SDCCAG8: variants seen among roughly 807,000 people sequenced by gnomAD.
SDCCAG8 encodes SHH signaling and ciliogenesis regulator SDCCAG8, also known as serologically defined colon cancer antigen 8.
A neutral mutation model predicts 101.8 loss-of-function variants in SDCCAG8; 74 were observed. The ratio of observed to expected loss-of-function variants is 0.73; its 90% confidence interval spans 0.60 to 0.88. The LOEUF (loss-of-function observed/expected upper bound fraction) is 0.88. Among genes scored for constraint, SDCCAG8 ranks in the 40% least tolerant of loss-of-function variants. SDCCAG8 has a pLI of 0.00. For missense variants in SDCCAG8, 787 were observed against 822.6 expected (o/e 0.96, Z 0.53); for synonymous variants, 281 against 292.9 (o/e 0.96, Z 0.41).
chr1:243,278,421 A>G (rs1018875070), intron 4 of SDCCAG8, among the ~76,000 whole-genome samples: 1 of 152,040 alleles, frequency 6.6e-6, no homozygotes, highest in Non-Finnish European at 1.5e-5. Flanking sequence ...GGGTTTCACT[A>G]TGTTGGCCAG....
chr1:243,309,531 G>T (rs1240152731), intron 8 of SDCCAG8, among the ~76,000 whole-genome samples: 6 of 152,172 alleles, frequency 3.9e-5, no homozygotes, highest in African/African-American at 1.2e-4. Context: ...TCGAGTTGGG[G>T]TCTCACTCCT....
At chr1:243,381,946 A>G (rs2077983778) in intron 13 of SDCCAG8, among the ~76,000 whole-genome samples, 1 of 152,190 alleles carries the variant, frequency 6.6e-6, no homozygotes, top group African/African-American at 2.4e-5. Flanking sequence ...GTGAAAAGGG[A>G]TAGTCAGGGA....
At chr1:243,284,946 G>T (rs1459630002) in intron 4 of SDCCAG8, among the ~76,000 whole-genome samples, 1 of 151,954 alleles carries the variant, frequency 6.6e-6, no homozygotes, top group Non-Finnish European at 1.5e-5. Context: ...GCAGTGGCGT[G>T]ATCTTGGCTC....
At chr1:243,344,358 G>A (rs948763712) in intron 12 of SDCCAG8, 27 bp downstream of exon 12, 4 of 1,397,890 alleles carry the variant, frequency 2.9e-6, no homozygotes, top group African/African-American at 2.9e-5. Flanking sequence ...CATAATTGCA[G>A]CAATTATAGA....
intron 12 of SDCCAG8, among the ~76,000 whole-genome samples, chr1:243,353,289 G>A (rs1445308781): frequency 6.6e-6 from 1 of 151,534 alleles, no homozygotes; most frequent in Non-Finnish European, 1.5e-5. Flanking sequence ...TCAGGAGTTC[G>A]AGGCCAGCCT....
chr1:243,375,726 G>A (rs2077562746), intron 12 of SDCCAG8, among the ~76,000 whole-genome samples: 1 of 152,106 alleles, frequency 6.6e-6, no homozygotes. Flanking sequence ...GCTGTTGTTG[G>A]TCTTTCATCC....
chr1:243,402,718 A>C (rs982788033), intron 13 of SDCCAG8, among the ~76,000 whole-genome samples: 1 of 152,214 alleles, frequency 6.6e-6, no homozygotes, highest in African/African-American at 2.4e-5. Context: ...CCCAGCAGAG[A>C]TGAAGTTAGA....
intron 16 of SDCCAG8, among the ~76,000 whole-genome samples, chr1:243,488,772 G>A (rs545944553): frequency 2.6e-5 from 4 of 152,162 alleles, no homozygotes; most frequent in African/African-American, 7.2e-5. Flanking sequence ...ACTTATCTGC[G>A]TGTTTTCTAA....
chr1:243,285,027 C>T (rs1178569401), intron 4 of SDCCAG8, among the ~76,000 whole-genome samples: 1 of 152,026 alleles, frequency 6.6e-6, no homozygotes, highest in Admixed American at 6.5e-5. Context: ...GGACTACAGG[C>T]GTGTGCCATC....
At position 243,493,085 on chromosome 1, in the gene SDCCAG8, C is replaced by G. The variant is rs891385551; in HGVS notation, c.2112+3945C>G. On this transcript the variant is annotated intron_variant, in intron 17 of 17. Coordinates refer to ENST00000366541, the MANE Select transcript of SDCCAG8 (RefSeq NM_006642.5). ...CCAGCTTTGCCTAGATGCAGTTCCC[C>G]ACACTCTGTATTCCGGGAGGGTCAG... Among the ~76,000 whole-genome samples, 3 of 152,178 alleles carry G rather than the reference C, an allele frequency of 2.0e-5. No individual in the cohort carries two copies. In the South Asian group the frequency reaches 6.2e-4, roughly 32 times the overall value.
chr1:243,293,041 G>A (rs1252757458), intron 5 of SDCCAG8, 50 bp from the exon 6 acceptor site: 1 of 1,608,016 alleles, frequency 6.2e-7, no homozygotes, highest in African/African-American at 1.3e-5. Context: ...AAATATGCAT[G>A]TTTATTTAAA....
chr1:243,308,559 T>C (rs1039098703), intron 8 of SDCCAG8, among the ~76,000 whole-genome samples: 1 of 152,230 alleles, frequency 6.6e-6, no homozygotes, highest in Non-Finnish European at 1.5e-5. Flanking sequence ...GGTTTTGCCA[T>C]ATCTTGGATT....
At chr1:243,350,196 A>T (rs1191784221) in intron 12 of SDCCAG8, among the ~76,000 whole-genome samples, 1 of 152,018 alleles carries the variant, frequency 6.6e-6, no homozygotes, top group Non-Finnish European at 1.5e-5. Context: ...AAGCCCTAAA[A>T]GTCAGTCCTT....
chr1:243,279,158 G>A (rs928144571), intron 4 of SDCCAG8, among the ~76,000 whole-genome samples: 3 of 152,164 alleles, frequency 2.0e-5, no homozygotes, highest in African/African-American at 7.2e-5. Flanking sequence ...GAATGGTTGT[G>A]AGAGGGGCCA....
At chr1:243,269,287 G>A (rs1341229205) in intron 1 of SDCCAG8, 1 of 151,278 alleles carries the variant, frequency 6.6e-6, no homozygotes, top group Non-Finnish European at 1.5e-5. Context: ...AATGAGGCTG[G>A]GTTCCTTGGA....
Position 243,458,732 on chromosome 1 carries a change from C to T in SDCCAG8, c.1986-30282C>T, listed in dbSNP as rs1311875187. 6.6e-6 allele frequency among the ~76,000 whole-genome samples: 1 copy of T among 152,278 alleles called. No homozygotes were observed. Among genetic ancestry groups the T allele is most frequent in the South Asian group, 2.1e-4 (1 of 4,816 alleles). On this transcript the variant is annotated intron_variant, in intron 16 of 17. Transcript: ENST00000366541. This position sits in a 1 kb window ranked among gnomAD's most constrained non-coding sequence, Gnocchi z 4.5. ...AGAATCTTAGCAATATTTTAGCTCC[C>T]ATAATAGTAAAAATTTTTAGAAGCG...
chr1:243,315,498 A>G (rs1255662862), intron 8 of SDCCAG8, among the ~76,000 whole-genome samples: 2 of 152,226 alleles, frequency 1.3e-5, no homozygotes, highest in African/African-American at 2.4e-5. Context: ...CATGAATTTT[A>G]TATTTGCAGC....
intron 13 of SDCCAG8, among the ~76,000 whole-genome samples, chr1:243,412,104 G>A (rs2080223896): frequency 1.3e-5 from 2 of 152,150 alleles, no homozygotes. Context: ...CCTGCTAGGG[G>A]CAAGGAGCAT....
chr1:243,397,360 T>C (rs1347339734), intron 13 of SDCCAG8, among the ~76,000 whole-genome samples: 1 of 152,226 alleles, frequency 6.6e-6, no homozygotes, highest in Non-Finnish European at 1.5e-5. Context: ...AGTTGTTTAT[T>C]TTTTTAAGTT....
Sources: allele counts gnomAD v4.1 joint callset (sites outside exome capture counted in the v4.1 genomes callset), GRCh38; gene constraint gnomAD v4.1.1; non-coding constraint Gnocchi (gnomAD v3.1); transcripts MANE v1.5; gene names NCBI Gene and HGNC (gene_info 2026-07-23, HGNC 2026-07-21).